Variants in ZFAND3 observed in about 807,000 individuals in gnomAD.
The protein encoded by ZFAND3 is AN1-type zinc finger protein 3.
In ZFAND3, 10 loss-of-function variants were observed where a neutral mutation model predicts 29.6. The ratio of observed to expected loss-of-function variants is 0.34; its 90% confidence interval spans 0.21 to 0.57. ZFAND3 has a LOEUF of 0.57. ZFAND3 is among the 20% of genes least tolerant of loss of function. The pLI, the probability that ZFAND3 is intolerant of heterozygous loss-of-function variation, is 0.86. For missense variants in ZFAND3, 230 were observed against 304.5 expected, an observed-to-expected ratio of 0.76 and a Z score of 1.82; for synonymous variants, 128 against 112.6, an observed-to-expected ratio of 1.14 and a Z score of -0.87.
At chr6:37,959,897 A>G (rs1762163880) in intron 2 of ZFAND3, among the ~76,000 whole-genome samples, 1 of 152,252 alleles carries the variant, frequency 6.6e-6, no homozygotes, top group Admixed American at 6.5e-5. Context: ...CTGTATGGAA[A>G]TAAGTTGTAT....
At chr6:37,868,571 A>G (rs917226404) in intron 1 of ZFAND3, among the ~76,000 whole-genome samples, 1 of 152,168 alleles carries the variant, frequency 6.6e-6, no homozygotes, top group African/African-American at 2.4e-5. Context: ...TCTGTCTTGT[A>G]TGTGGTTATA....
At chr6:38,050,872 C>T (rs958556775) in intron 2 of ZFAND3, among the ~76,000 whole-genome samples, 1 of 152,132 alleles carries the variant, frequency 6.6e-6, no homozygotes, top group Non-Finnish European at 1.5e-5. Flanking sequence ...AAGTTAATAT[C>T]ACCACTCTAA....
Position 38,154,014 on chromosome 6 carries a change from C to G in ZFAND3, c.*1625C>G. On this transcript the variant is annotated 3_prime_UTR_variant, in exon 6 of 6. Coordinates refer to ENST00000287218, the MANE Select transcript of ZFAND3 (RefSeq NM_021943.3). ...ACTGAAATAGGAAGTCATGCTCTTCCCACCCTCCACCCACCAGAGTGGAAC... is the reference window on the plus strand; with the variant it reads ...ACTGAAATAGGAAGTCATGCTCTTCGCACCCTCCACCCACCAGAGTGGAAC... 1 of 985,504 alleles carries G rather than the reference C, an allele frequency of 1.0e-6. No individual in the cohort carries two copies. Among genetic ancestry groups the G allele is most frequent in the Non-Finnish European group, 1.2e-6 (1 of 829,950 alleles). The allele number at this position is 985,504 out of a possible 1,614,324, so 61.0% of individuals were successfully genotyped here.
intron 4 of ZFAND3, among the ~76,000 whole-genome samples, chr6:38,095,004 T>C (rs1349799467): frequency 6.6e-6 from 1 of 152,216 alleles, no homozygotes; most frequent in Non-Finnish European, 1.5e-5. Context: ...TTAGGGATAC[T>C]CAACCTGTAT....
At chr6:37,845,994 T>C (rs181074578) in intron 1 of ZFAND3, among the ~76,000 whole-genome samples, 10 of 152,304 alleles carry the variant, frequency 6.6e-5, no homozygotes, top group African/African-American at 1.9e-4. Flanking sequence ...TGAAGTGAAG[T>C]GTTCTCTCAT....
At chr6:37,941,382 G>C (rs1239755876) in intron 2 of ZFAND3, among the ~76,000 whole-genome samples, 1 of 152,154 alleles carries the variant, frequency 6.6e-6, no homozygotes, top group Non-Finnish European at 1.5e-5. Context: ...TTTTAGTTCA[G>C]TTGTAGTTTG....
intron 4 of ZFAND3, among the ~76,000 whole-genome samples, chr6:38,109,378 C>G (rs1205680489): frequency 1.3e-5 from 2 of 151,994 alleles, no homozygotes; most frequent in African/African-American, 4.8e-5. Flanking sequence ...CAGAGTTTCA[C>G]CATGTTGGTT....
intron 1 of ZFAND3, among the ~76,000 whole-genome samples, chr6:37,855,827 G>T (rs532875103): frequency 4.1e-3 from 627 of 152,186 alleles, no homozygotes; most frequent in Non-Finnish European, 7.2e-3. Context: ...TAACTAGGAA[G>T]AATTTTCTTT....
At chr6:38,030,748 C>G (rs1460427303) in intron 2 of ZFAND3, among the ~76,000 whole-genome samples, 1 of 151,942 alleles carries the variant, frequency 6.6e-6, no homozygotes, top group African/African-American at 2.4e-5. Context: ...GAGTCTATGA[C>G]CTACAGGTCT....
chr6:37,915,173 T>C (rs1210130845), intron 1 of ZFAND3, among the ~76,000 whole-genome samples: 2 of 152,222 alleles, frequency 1.3e-5, no homozygotes, highest in Admixed American at 1.3e-4. Flanking sequence ...TTCACACTTC[T>C]CTTATGCAGC....
chr6:38,103,960 A>G (rs1458518073), intron 4 of ZFAND3, among the ~76,000 whole-genome samples: 2 of 152,238 alleles, frequency 1.3e-5, no homozygotes, highest in Non-Finnish European at 2.9e-5. Context: ...TTATCTATTG[A>G]GGTTCATTTG....
chr6:38,102,061 T>TA (rs1449472941), intron 4 of ZFAND3, among the ~76,000 whole-genome samples: 1 of 152,170 alleles, frequency 6.6e-6, no homozygotes, highest in African/African-American at 2.4e-5. Context: ...CTTGTCCTGT[T>TA]ACAGAAATCA....
At chr6:38,090,934 G>A (rs940610471) in intron 4 of ZFAND3, among the ~76,000 whole-genome samples, 26 of 152,190 alleles carry the variant, frequency 1.7e-4, no homozygotes, top group African/African-American at 6.3e-4. Context: ...TGCCACCTAC[G>A]TTTGTGTTAC....
At chr6:37,894,359 G>T (rs188266999) in intron 1 of ZFAND3, among the ~76,000 whole-genome samples, 1 of 151,108 alleles carries the variant, frequency 6.6e-6, no homozygotes, top group Non-Finnish European at 1.5e-5. Context: ...TAATTCTCCT[G>T]CTCCTTGAAA....
At chr6:37,857,858 A>G (rs1226940186) in intron 1 of ZFAND3, among the ~76,000 whole-genome samples, 2 of 152,136 alleles carry the variant, frequency 1.3e-5, no homozygotes, top group South Asian at 2.1e-4. Context: ...ATGTCTAGAG[A>G]ACTTGGTCAG....
intron 1 of ZFAND3, among the ~76,000 whole-genome samples, chr6:37,845,058 A>G (rs1318667114): frequency 6.6e-6 from 1 of 151,642 alleles, no homozygotes; most frequent in African/African-American, 2.4e-5. Flanking sequence ...CATCTCTCAC[A>G]GTTGATGGGC....
intron 2 of ZFAND3, among the ~76,000 whole-genome samples, chr6:38,028,987 G>C (rs1249351496): frequency 1.3e-5 from 2 of 152,176 alleles, no homozygotes; most frequent in African/African-American, 4.8e-5. Context: ...TCTCATTACA[G>C]AATCATGTCT....
intron 5 of ZFAND3, among the ~76,000 whole-genome samples, chr6:38,124,809 G>A (rs1247872708): frequency 1.3e-5 from 2 of 152,262 alleles, no homozygotes; most frequent in African/African-American, 4.8e-5. Context: ...CATGGCCAGA[G>A]CGGACGCTGA....
intron 1 of ZFAND3, among the ~76,000 whole-genome samples, chr6:37,893,193 C>T (rs531021840): frequency 6.6e-6 from 1 of 152,118 alleles, no homozygotes; most frequent in Non-Finnish European, 1.5e-5. Context: ...AAATCCTTAA[C>T]AAAATGCTAG....
Sources: gnomAD v4.1 joint callset for allele counts (sites outside exome capture counted in the v4.1 genomes callset) on GRCh38, gnomAD v4.1.1 for gene constraint, MANE v1.5 for transcripts, NCBI Gene and HGNC (gene_info 2026-07-23, HGNC 2026-07-21) for gene names.